Variants in ANKH observed in about 807,000 individuals in gnomAD.
ANKH encodes ANKH inorganic pyrophosphate transport regulator.
In ANKH, 15 loss-of-function variants were observed where a neutral mutation model predicts 49.0. The ratio of observed to expected loss-of-function variants is 0.31; its 90% CI spans 0.20 to 0.47. The LOEUF is 0.47. Ranked by LOEUF, ANKH falls within the 20% of genes least tolerant of loss-of-function variation. ANKH has a pLI of 1.00. For missense variants in ANKH, 429 were observed against 652.0 expected (o/e 0.66, Z 3.72); for synonymous variants, 273 against 260.0 (o/e 1.05, Z -0.48).
At chr5:14,759,089 G>A (rs575860384) in intron 2 of ANKH, among the ~76,000 whole-genome samples, 16 of 152,348 alleles carry the variant, frequency 1.1e-4, no homozygotes, top group African/African-American at 3.8e-4. Flanking sequence ...TGTACTAAGA[G>A]AAAATTTCTA....
rs1219308887 is a variant in ANKH at position 14,707,202 on chromosome 5, C to G, written c.*3995G>C. Reference sequence around the variant, plus strand: ...ACTGAAGTAGAAAGATTTTTAAATACAAGAAAATATTTCTCAAGGAAATGT... The same window carrying G: ...ACTGAAGTAGAAAGATTTTTAAATAGAAGAAAATATTTCTCAAGGAAATGT... On this transcript the variant is annotated 3_prime_UTR_variant, in exon 12 of 12. Transcript: ENST00000284268. The G allele has an allele frequency of 6.6e-6, 1 of 151,772 alleles. No individual in the cohort carries two copies. Among genetic ancestry groups the G allele is most frequent in the Non-Finnish European group, 1.5e-5 (1 of 67,988 alleles). The allele number at this position is 151,772 out of a possible 1,614,324, so 9.4% of individuals were successfully genotyped here.
chr5:14,796,789 A>C (rs1277762977), intron 1 of ANKH, among the ~76,000 whole-genome samples: 2 of 152,010 alleles, frequency 1.3e-5, no homozygotes, highest in East Asian at 3.9e-4. Context: ...CTCCTTACTC[A>C]CTCTAGCCTT....
chr5:14,790,185 A>G (rs144212414), intron 1 of ANKH, among the ~76,000 whole-genome samples: 1 of 152,378 alleles, frequency 6.6e-6, no homozygotes, highest in African/African-American at 2.4e-5. Context: ...AAAGTACAGA[A>G]CAAAAACCTT....
At chr5:14,771,937 A>C (rs55645314) in intron 1 of ANKH, among the ~76,000 whole-genome samples, 44,563 of 140,196 alleles carry the variant, frequency 0.32, 7,611 homozygotes, top group Admixed American at 0.36. Context: ...AAAAAAAAAA[A>C]AAAAAAAAAA....
In ANKH at chr5:14,757,430, ATTTTTTT is replaced by A. The variant is rs1243593041; in HGVS notation, c.432+1043_432+1049del. Among the ~76,000 whole-genome samples the A allele has an allele frequency of 2.5e-4, 28 of 113,818 alleles. 1 individual carries two copies. Among genetic ancestry groups the A allele is most frequent in the African/African-American group, 7.0e-4 (21 of 30,192 alleles). The allele number at this position is 113,818 out of a possible 152,430, so 74.7% of individuals were successfully genotyped here. On this transcript the variant is annotated intron_variant, in intron 3 of 11. Coordinates refer to ENST00000284268, the MANE Select transcript of ANKH (RefSeq NM_054027.6). ...TATTGGAACATATATATATATATAT[ATTTTTTT>A]TTTTTTTTTTTTGCTAAGTCTTTTT... is the stretch of plus-strand genomic sequence containing the variant.
chr5:14,864,913 C>T (rs1252254477), intron 1 of ANKH, among the ~76,000 whole-genome samples: 3 of 152,088 alleles, frequency 2.0e-5, no homozygotes, highest in Non-Finnish European at 4.4e-5. Context: ...CACACACTTA[C>T]CCCACACACA....
At chr5:14,826,631 C>A (rs1020307011) in intron 1 of ANKH, among the ~76,000 whole-genome samples, 1 of 152,204 alleles carries the variant, frequency 6.6e-6, no homozygotes, top group South Asian at 2.1e-4. Flanking sequence ...ATGCTCCCTA[C>A]ATGTTAGCTT....
chr5:14,758,046 G>A (rs370839421), intron 3 of ANKH, among the ~76,000 whole-genome samples: 14 of 152,180 alleles, frequency 9.2e-5, no homozygotes, highest in Non-Finnish European at 1.8e-4. Flanking sequence ...GCTGACGAAC[G>A]GATACACAAG....
intron 4 of ANKH, among the ~76,000 whole-genome samples, chr5:14,753,019 G>A (rs1231651313): frequency 1.3e-5 from 2 of 152,202 alleles, no homozygotes; most frequent in African/African-American, 2.4e-5. Flanking sequence ...CAAGGGAAAC[G>A]ATGCACGAGA....
intron 4 of ANKH, among the ~76,000 whole-genome samples, chr5:14,754,164 C>G (rs138876785): frequency 6.6e-6 from 1 of 152,360 alleles, no homozygotes; most frequent in African/African-American, 2.4e-5. Flanking sequence ...CTAACCAGAT[C>G]TGTTTATTCT....
chr5:14,838,232 T>C (rs1322181729), intron 1 of ANKH, among the ~76,000 whole-genome samples: 1 of 151,974 alleles, frequency 6.6e-6, no homozygotes, highest in Non-Finnish European at 1.5e-5. Flanking sequence ...CTGCACGTTG[T>C]GCACATGTAC....
At chr5:14,738,974 TA>T (rs895939528) in intron 8 of ANKH, among the ~76,000 whole-genome samples, 3 of 152,222 alleles carry the variant, frequency 2.0e-5, no homozygotes, top group African/African-American at 7.2e-5. Context: ...AGCAGGATGC[TA>T]AGCCCTGGGG....
intron 1 of ANKH, among the ~76,000 whole-genome samples, chr5:14,835,190 A>G (rs550305207): frequency 3.9e-5 from 6 of 152,344 alleles, no homozygotes; most frequent in Admixed American, 6.5e-5. Context: ...AGTGCTTCAC[A>G]TATGTATATT....
Position 14,816,952 on chromosome 5 carries a change from G to A in ANKH, c.97-47761C>T, listed in dbSNP as rs77917434. Among the ~76,000 whole-genome samples the A allele has an allele frequency of 6.4e-3, 979 of 152,298 alleles. 14 individuals are homozygous for A. Among genetic ancestry groups the A allele is most frequent in the South Asian group, 0.063 (304 of 4,826 alleles). On this transcript the variant is annotated intron_variant, in intron 1 of 11. Coordinates refer to ENST00000284268, the MANE Select transcript of ANKH (RefSeq NM_054027.6). ...TCTCAGCCTTTTTAGATGGATTGCC[G>A]TGAGTTGCTGTTGGATACAATTTTT...
chr5:14,844,261 C>A (rs773590499), intron 1 of ANKH, among the ~76,000 whole-genome samples: 1 of 152,224 alleles, frequency 6.6e-6, no homozygotes, highest in African/African-American at 2.4e-5. Flanking sequence ...TCTTTCTCTG[C>A]ACAATAAGTG....
intron 1 of ANKH, among the ~76,000 whole-genome samples, chr5:14,827,091 C>T (rs1414192969): frequency 2.6e-5 from 4 of 152,192 alleles, no homozygotes; most frequent in East Asian, 1.9e-4. Flanking sequence ...GGAACCTCAC[C>T]GACCTGGGCT....
intron 1 of ANKH, among the ~76,000 whole-genome samples, chr5:14,787,774 T>C (rs1055592863): frequency 6.6e-6 from 1 of 152,210 alleles, no homozygotes; most frequent in Non-Finnish European, 1.5e-5. Flanking sequence ...TGTAAGCAGA[T>C]GCCTACCTGC....
Position 14,713,703 on chromosome 5 carries a change from C to A in ANKH, c.1142-36G>T. 1 of 1,612,350 alleles carries A rather than the reference C, an allele frequency of 6.2e-7. No individual in the cohort carries two copies. Among genetic ancestry groups the A allele is most frequent in the African/African-American group, 1.3e-5 (1 of 74,984 alleles). ...GAGCAAAGGACTCGTCAGCCGTGCC[C>A]GCCATCCACTCCCCATCCTGCTGCC... On this transcript the variant is annotated intron_variant, in intron 9 of 11. Coordinates refer to ENST00000284268, the MANE Select transcript of ANKH (RefSeq NM_054027.6). The surrounding 1 kb of genome is among the most constrained non-coding windows in gnomAD (Gnocchi z 4.4).
intron 7 of ANKH, among the ~76,000 whole-genome samples, chr5:14,744,391 G>T (rs1738460065): frequency 6.6e-6 from 1 of 152,222 alleles, no homozygotes; most frequent in East Asian, 1.9e-4. Context: ...TCGCCCATTA[G>T]CTTAGGCAGG....
Sources: gnomAD v4.1 joint callset for allele counts (sites outside exome capture counted in the v4.1 genomes callset) on GRCh38, gnomAD v4.1.1 for gene constraint, Gnocchi (gnomAD v3.1) non-coding constraint, MANE v1.5 for transcripts, NCBI Gene and HGNC (gene_info 2026-07-23, HGNC 2026-07-21) for gene names.